The following BMPR1B variants were observed in gnomAD, a reference collection of about 807,000 sequenced individuals.
BMPR1B encodes bone morphogenetic protein receptor type 1B, also known as bone morphogenetic protein receptor type-1B.
BMPR1B carries 12 observed loss-of-function variants against 59.1 expected under a neutral mutation model. The ratio of observed to expected loss-of-function variants is 0.20; its 90% CI spans 0.13 to 0.33. The LOEUF (loss-of-function observed/expected upper bound fraction) is 0.33, where lower values mean the gene tolerates loss of function less well. BMPR1B is among the 10% of genes least tolerant of loss of function. The pLI is 1.00. For synonymous variants in BMPR1B, 237 were observed against 207.3 expected (o/e 1.14, Z -1.23); for missense variants, 550 against 610.9 (o/e 0.90, Z 1.05).
intron 2 of BMPR1B, among the ~76,000 whole-genome samples, chr4:94,891,517 A>G (rs190854375): frequency 6.6e-6 from 1 of 152,232 alleles, no homozygotes; most frequent in Non-Finnish European, 1.5e-5. Flanking sequence ...CATATGGTTA[A>G]CAGTGATCTT....
chr4:95,030,577 A>G (rs1724762034), intron 3 of BMPR1B, among the ~76,000 whole-genome samples: 1 of 151,982 alleles, frequency 6.6e-6, no homozygotes, highest in Non-Finnish European at 1.5e-5. Context: ...AGGAAGTCAA[A>G]TTGTTCCTGT....
At chr4:95,132,676 C>G (rs1560679784) in intron 10 of BMPR1B, among the ~76,000 whole-genome samples, 1 of 151,920 alleles carries the variant, frequency 6.6e-6, no homozygotes, top group East Asian at 1.9e-4. Flanking sequence ...AAAAAAATCC[C>G]ACAATGCTTC....
rs1732804288 is a variant in BMPR1B at position 95,125,041 on chromosome 4, T to G, written c.505T>G (p.Tyr169Asp). 6.2e-7 allele frequency: 1 copy of G among 1,613,402 alleles called. No individual in the cohort carries two copies. The highest frequency in any genetic ancestry group is 1.3e-5 in the African/African-American group (1 of 74,902). ...CATTGGGTTAGAACAGGATGAAACT[T>G]ACATTCCTCCTGGAGAATCCCTGAG... ...YSIGLEQDET[Y>D]IPPGESLRDL... The change falls in exon 8 of 13, where the codon TAC becomes GAC. Residue 169 changes from tyrosine to aspartate, a missense_variant. By Grantham distance (160) the Tyr-to-Asp change is radical. Coordinates refer to ENST00000515059, the MANE Select transcript of BMPR1B (RefSeq NM_001203.3).
At position 94,803,404 on chromosome 4, in the gene BMPR1B, A is replaced by G. The variant is rs78060164; in HGVS notation, c.-183+45336A>G. ...TTTACATTGATGTGACTCCACCCCC[A>G]GTGTTAGGGGTAGCCTAAGACTCTC... On this transcript the variant is annotated intron_variant, in intron 1 of 12. Coordinates refer to ENST00000515059, the MANE Select transcript of BMPR1B (RefSeq NM_001203.3). 8.3e-4 allele frequency among the ~76,000 whole-genome samples: 126 copies of G among 152,220 alleles called. 1 individual carries two copies. The East Asian group carries it at 0.022, about 26-fold the overall frequency.
chr4:94,838,934 C>G (rs922570603), intron 1 of BMPR1B, among the ~76,000 whole-genome samples: 3 of 138,782 alleles, frequency 2.2e-5, no homozygotes, highest in African/African-American at 5.5e-5. Flanking sequence ...GCTTTGAATG[C>G]GTCCCAGAGA....
At chr4:94,770,888 CAA>C (rs11292596) in intron 1 of BMPR1B, among the ~76,000 whole-genome samples, 1,056 of 88,266 alleles carry the variant, frequency 0.012, 4 homozygotes, top group African/African-American at 0.031. Context: ...ATTAGCCCTG[CAA>C]AAAAAAAAAA....
chr4:95,103,858 C>G (rs948203376), intron 3 of BMPR1B, among the ~76,000 whole-genome samples: 1 of 151,994 alleles, frequency 6.6e-6, no homozygotes, highest in African/African-American at 2.4e-5. Flanking sequence ...GTCTTCTTAC[C>G]CAATTTTACA....
chr4:94,858,484 A>G (rs1012283810), intron 1 of BMPR1B, among the ~76,000 whole-genome samples: 1 of 152,204 alleles, frequency 6.6e-6, no homozygotes, highest in African/African-American at 2.4e-5. Context: ...CTATTATAGA[A>G]TTTTGGATTA....
intron 1 of BMPR1B, among the ~76,000 whole-genome samples, chr4:94,793,330 C>T (rs1480082723): frequency 6.6e-6 from 1 of 151,808 alleles, no homozygotes; most frequent in East Asian, 1.9e-4. Flanking sequence ...ATCCATGTCC[C>T]TACAAAGGAC....
intron 1 of BMPR1B, among the ~76,000 whole-genome samples, chr4:94,804,341 C>G (rs975311752): frequency 1.3e-5 from 2 of 152,200 alleles, no homozygotes; most frequent in Non-Finnish European, 2.9e-5. Flanking sequence ...CTTGGGGAAT[C>G]ACAACAAATA....
chr4:94,759,877 A>G (rs979208879), intron 1 of BMPR1B, among the ~76,000 whole-genome samples: 3 of 152,176 alleles, frequency 2.0e-5, no homozygotes, highest in Admixed American at 2.0e-4. Flanking sequence ...TTTATGGGAA[A>G]CATAGCTGGG....
chr4:95,070,514 G>A (rs892926496), intron 3 of BMPR1B, among the ~76,000 whole-genome samples: 12 of 152,132 alleles, frequency 7.9e-5, no homozygotes, highest in Admixed American at 4.6e-4. Flanking sequence ...TTCAGAGTTT[G>A]TTGAGTTTGA....
chr4:94,923,511 CTT>C (rs1728779778), intron 2 of BMPR1B, among the ~76,000 whole-genome samples: 2 of 152,118 alleles, frequency 1.3e-5, no homozygotes, highest in African/African-American at 4.8e-5. Context: ...ATATGCCATT[CTT>C]ACTGAATGAA....
intron 1 of BMPR1B, among the ~76,000 whole-genome samples, chr4:94,822,240 T>C (rs1578682754): frequency 6.6e-6 from 1 of 151,972 alleles, no homozygotes; most frequent in Admixed American, 6.6e-5. Flanking sequence ...CCCCATCACC[T>C]CCTAAAGGTC....
chr4:94,795,499 C>A (rs529808399), intron 1 of BMPR1B, among the ~76,000 whole-genome samples: 2 of 151,902 alleles, frequency 1.3e-5, no homozygotes, highest in Non-Finnish European at 2.9e-5. Flanking sequence ...GAGTCTCACT[C>A]TGTTGCTCAG....
chr4:95,006,376 C>CAAAA (rs558859893), intron 3 of BMPR1B, among the ~76,000 whole-genome samples: 2 of 134,652 alleles, frequency 1.5e-5, no homozygotes. Flanking sequence ...GACTCCATCT[C>CAAAA]AAAAAAAAAA....
At chr4:95,131,166 C>T in intron 9 of BMPR1B, 49 bp from the exon 10 acceptor site, 1 of 1,539,166 alleles carries the variant, frequency 6.5e-7, no homozygotes, top group Non-Finnish European at 9.0e-7. Flanking sequence ...TGAATTATTC[C>T]TGATACTATT....
At position 94,962,100 on chromosome 4, in the gene BMPR1B, CTTCCTTCCTTCCTTCCTTCCTTCT is replaced by C. The variant is rs1420494192; in HGVS notation, c.-112-33921_-112-33898del. The stretch of plus-strand genomic sequence containing the variant: ...CCTTCCTTCCTTCCTTCCTTCCTTC[CTTCCTTCCTTCCTTCCTTCCTTCT>C]TTCCTTCCTTCCTTCCTTTCTTTTT... On this transcript the variant is annotated intron_variant, in intron 2 of 12. Coordinates refer to ENST00000515059, the MANE Select transcript of BMPR1B (RefSeq NM_001203.3). Among the ~76,000 whole-genome samples, 469 of 133,808 alleles carry C rather than the reference CTTCCTTCCTTCCTTCCTTCCTTCT, an allele frequency of 3.5e-3. 5 individuals are homozygous for C. The highest frequency in any genetic ancestry group is 0.014 in the African/African-American group (434 of 32,082). 87.8% of individuals were successfully genotyped at this position (133,808 alleles called of 152,430 possible).
At chr4:94,795,524 G>A (rs1412993879) in intron 1 of BMPR1B, among the ~76,000 whole-genome samples, 2 of 151,952 alleles carry the variant, frequency 1.3e-5, no homozygotes, top group Non-Finnish European at 2.9e-5. Context: ...GAGTGCAGTG[G>A]CGTGATCTCA....
Sources: gnomAD v4.1 joint callset for allele counts (sites outside exome capture counted in the v4.1 genomes callset) on GRCh38, gnomAD v4.1.1 for gene constraint, MANE v1.5 for transcripts, NCBI Gene and HGNC (gene_info 2026-07-23, HGNC 2026-07-21) for gene names.